The following TMEM114 variants were observed in gnomAD, a reference collection of about 807,000 sequenced individuals.
The protein encoded by TMEM114 is claudin-26.
Under a neutral mutation model 6.2 loss-of-function variants are expected in TMEM114, and 6 were observed. The observed-to-expected ratio is 0.97, with a 90% CI of 0.53 to 1.91. The LOEUF (loss-of-function observed/expected upper bound fraction) is 1.91. TMEM114 is among the 40% of genes most tolerant of loss of function. The pLI, the probability that TMEM114 is intolerant of heterozygous loss-of-function variation, is 0.01. For synonymous variants in TMEM114, 104 were observed against 73.0 expected (o/e 1.42, Z -2.16); for missense variants, 218 against 158.3 (o/e 1.38, Z -2.02).
At chr16:8,583,465 C>G (rs1902219696) in intron 2 of TMEM114, among the ~76,000 whole-genome samples, 2 of 152,162 alleles carry the variant, frequency 1.3e-5, no homozygotes, top group African/African-American at 4.8e-5. Context: ...ACACAGCTGG[C>G]CGAGCACAGT....
At chr16:8,558,300 T>G (rs1174199720) in intron 2 of TMEM114, among the ~76,000 whole-genome samples, 1 of 152,134 alleles carries the variant, frequency 6.6e-6, no homozygotes, top group Non-Finnish European at 1.5e-5. Context: ...AGGTGGGCCA[T>G]GCACCCTCTG....
At chr16:8,564,309 A>AG in intron 2 of TMEM114, among the ~76,000 whole-genome samples, 1 of 96,684 alleles carries the variant, frequency 1.0e-5, no homozygotes, top group Non-Finnish European at 2.2e-5. Flanking sequence ...GAGTGATGAA[A>AG]TAAGTGAATG....
At chr16:8,586,630 C>G (rs1032672518) in intron 2 of TMEM114, among the ~76,000 whole-genome samples, 1 of 152,076 alleles carries the variant, frequency 6.6e-6, no homozygotes, top group Non-Finnish European at 1.5e-5. Flanking sequence ...ATAACTCAGC[C>G]TCCTGAGTAG....
chr16:8,528,644 G>A, the TMEM114 span, among the ~76,000 whole-genome samples: 27 of 152,260 alleles, frequency 1.8e-4, no homozygotes, highest in African/African-American at 6.5e-4. Flanking sequence ...TATTTAAATC[G>A]CAGCCTTGGT....
chr16:8,532,250 G>T, the TMEM114 span, among the ~76,000 whole-genome samples: 1 of 152,100 alleles, frequency 6.6e-6, no homozygotes, highest in Non-Finnish European at 1.5e-5. Context: ...TTAAATGAAC[G>T]TAACTCCTAG....
intron 2 of TMEM114, among the ~76,000 whole-genome samples, chr16:8,563,063 A>AAGCGAATG: frequency 9.8e-6 from 1 of 102,174 alleles, no homozygotes; most frequent in Admixed American, 9.7e-5. Flanking sequence ...GTGAATGAGT[A>AAGCGAATG]AGTGAATGAG....
exon 3 of TMEM114, chr16:8,537,612 T>G (rs1173100787): frequency 6.6e-6 from 1 of 152,246 alleles, no homozygotes; most frequent in East Asian, 1.9e-4. Flanking sequence ...CCAATTCATA[T>G]AGCTATTCAC....
chr16:8,538,509 G>C (rs938172250), intron 2 of TMEM114, among the ~76,000 whole-genome samples: 3 of 141,372 alleles, frequency 2.1e-5, no homozygotes, highest in Non-Finnish European at 3.0e-5. Flanking sequence ...TTGTTTGTTT[G>C]TTTTTTGTTT....
intron 2 of TMEM114, among the ~76,000 whole-genome samples, chr16:8,555,122 G>A (rs1037748718): frequency 1.3e-5 from 2 of 152,264 alleles, no homozygotes; most frequent in African/African-American, 4.8e-5. Flanking sequence ...CATGTGAGTT[G>A]GTGTTTATCA....
chr16:8,546,593 T>C (rs868172837), intron 2 of TMEM114, among the ~76,000 whole-genome samples: 9 of 152,174 alleles, frequency 5.9e-5, no homozygotes, highest in South Asian at 2.1e-4. Flanking sequence ...CCAGTAACAA[T>C]CAGTCCCAAA....
Position 8,569,766 on chromosome 16 carries a change from C to T in TMEM114, c.*7G>A, listed in dbSNP as rs1420131186. The T allele has an allele frequency of 6.5e-7, 1 of 1,546,978 alleles. No individual in the cohort carries two copies. The highest frequency in any genetic ancestry group is 8.7e-7 in the Non-Finnish European group (1 of 1,144,428). On this transcript the variant is annotated 3_prime_UTR_variant, in exon 4 of 4. Coordinates refer to ENST00000620492, the MANE Select transcript of TMEM114 (RefSeq NM_001146336.2). ...CCTCCCTCCCCTCCACGACCCAGCG[C>T]CCAGGCTCATATGGCCTGGTCCTGC...
chr16:8,559,831 G>A (rs1024964937), intron 2 of TMEM114, among the ~76,000 whole-genome samples: 5 of 152,170 alleles, frequency 3.3e-5, no homozygotes, highest in Non-Finnish European at 1.5e-5. Flanking sequence ...AGAAGCTGCA[G>A]CACCAGGACA....
At chr16:8,553,409 T>G (rs1024797826) in intron 2 of TMEM114, among the ~76,000 whole-genome samples, 3 of 152,206 alleles carry the variant, frequency 2.0e-5, no homozygotes, top group African/African-American at 7.2e-5. Context: ...TGAATCTTTT[T>G]TTGGGGGGAC....
chr16:8,580,419 G>A (rs377593980), intron 2 of TMEM114, among the ~76,000 whole-genome samples: 5 of 151,042 alleles, frequency 3.3e-5, no homozygotes, highest in African/African-American at 1.2e-4. Context: ...CCTGGGAGGC[G>A]GAGGCTGCAG....
intron 2 of TMEM114, among the ~76,000 whole-genome samples, chr16:8,560,582 G>C (rs1201682463): frequency 1.3e-5 from 2 of 152,202 alleles, no homozygotes; most frequent in African/African-American, 4.8e-5. Flanking sequence ...GGTAGCCCGG[G>C]ATGTCAAAGG....
In TMEM114 at chr16:8,589,416, G is replaced by C. The variant is rs1374762000; in HGVS notation, c.221-123C>G. 7.5e-6 allele frequency: 3 copies of C among 398,266 alleles called. No homozygotes were observed. In the East Asian group the frequency reaches 1.1e-4, roughly 14 times the overall value. The allele number at this position is 398,266 out of a possible 1,614,324, so 24.7% of individuals were successfully genotyped here. ...CCCGGGGAGGGCGCGGGGAGAGCTA[G>C]AGCAGTTGGGATCGCAGCCGGGTGC... On this transcript the variant is annotated intron_variant, in intron 1 of 3. Transcript: ENST00000620492.
downstream of TMEM114, among the ~76,000 whole-genome samples, chr16:8,536,372 C>T (rs1304432019): frequency 6.6e-6 from 1 of 152,124 alleles, no homozygotes; most frequent in Non-Finnish European, 1.5e-5. Context: ...CTAACTTCAC[C>T]ACACCTTGAC....
the TMEM114 span, among the ~76,000 whole-genome samples, chr16:8,529,398 C>T: frequency 3.9e-5 from 6 of 152,276 alleles, no homozygotes; most frequent in East Asian, 1.9e-4. Flanking sequence ...TCTTCCTTGT[C>T]GCTGGAAGCA....
downstream of TMEM114, among the ~76,000 whole-genome samples, chr16:8,535,245 C>G (rs1425219730): frequency 6.6e-6 from 1 of 152,110 alleles, no homozygotes; most frequent in Non-Finnish European, 1.5e-5. Flanking sequence ...TTAAAAAGCT[C>G]TATATAAATA....
Sources: allele counts gnomAD v4.1 joint callset (sites outside exome capture counted in the v4.1 genomes callset), GRCh38; gene constraint gnomAD v4.1.1; transcripts MANE v1.5; gene names NCBI Gene and HGNC (gene_info 2026-07-23, HGNC 2026-07-21).